Variants in MYH9 observed in about 807,000 individuals in gnomAD.
MYH9 encodes the protein myosin heavy chain 9, also known as myosin-9.
A neutral mutation model predicts 241.9 loss-of-function variants in MYH9; 29 were observed. The ratio of observed to expected loss-of-function variants is 0.12; its 90% CI spans 0.09 to 0.16. The LOEUF (loss-of-function observed/expected upper bound fraction) is 0.16, where lower values mean the gene tolerates loss of function less well. Among genes scored for constraint, MYH9 ranks in the 10% least tolerant of loss-of-function variants. The pLI is 1.00. For missense variants in MYH9, 1,803 were observed against 2,595.5 expected, an observed-to-expected ratio of 0.69 and a Z score of 6.63; for synonymous variants, 1,047 against 1,062.6, an observed-to-expected ratio of 0.99 and a Z score of 0.29.
At chr22:36,313,451 C>CAA (rs57101170) in intron 13 of MYH9, among the ~76,000 whole-genome samples, 80 of 52,750 alleles carry the variant, frequency 1.5e-3, no homozygotes, top group African/African-American at 2.7e-3. Context: ...GACTCCGTCT[C>CAA]AAAAAAAAAA....
intron 1 of MYH9, among the ~76,000 whole-genome samples, chr22:36,376,120 C>T (rs899171612): frequency 6.6e-6 from 1 of 151,848 alleles, no homozygotes; most frequent in African/African-American, 2.4e-5. Context: ...CACCACCACA[C>T]CCGGCTAATT....
Position 36,282,377 on chromosome 22 carries a change from T to C in MYH9, c.*291A>G. On this transcript the variant is annotated 3_prime_UTR_variant, in exon 41 of 41. Transcript: ENST00000216181. Reference sequence around the variant, plus strand: ...GCTCGCCTCAACATCTTGTGCTTTTTGGCAAGAGAGGGCTGAGGAGCCTGC... The same window carrying C: ...GCTCGCCTCAACATCTTGTGCTTTTCGGCAAGAGAGGGCTGAGGAGCCTGC... 1 of 568,950 alleles carries C rather than the reference T, an allele frequency of 1.8e-6. No homozygotes were observed. Among genetic ancestry groups the C allele is most frequent in the African/African-American group, 1.9e-5 (1 of 53,470 alleles). 35.2% of individuals were successfully genotyped at this position (568,950 alleles called of 1,614,324 possible).
At chr22:36,386,578 G>T (rs1395258703) in intron 1 of MYH9, among the ~76,000 whole-genome samples, 1 of 152,206 alleles carries the variant, frequency 6.6e-6, no homozygotes, top group Non-Finnish European at 1.5e-5. Context: ...ACCCAGAAAA[G>T]GGCGCAGTGA....
chr22:36,316,328 C>G (rs2017150541), intron 12 of MYH9, among the ~76,000 whole-genome samples, 189 bp downstream of exon 12: 1 of 150,360 alleles, frequency 6.7e-6, no homozygotes, highest in South Asian at 2.1e-4. Context: ...GCTACCGTGC[C>G]CAGCCGAGAC....
chr22:36,363,046 C>T (rs1468131090), intron 1 of MYH9, among the ~76,000 whole-genome samples: 1 of 152,192 alleles, frequency 6.6e-6, no homozygotes, highest in African/African-American at 2.4e-5. Context: ...CTTCAGCTGT[C>T]ACCCAGAGAC....
At chr22:36,327,312 G>C in intron 4 of MYH9, 149 bp downstream of exon 4, 1 of 853,254 alleles carries the variant, frequency 1.2e-6, no homozygotes, top group South Asian at 1.4e-5. Context: ...CACACAAACT[G>C]AAGTCCTATC....
Position 36,281,346 on chromosome 22 carries a change from T to C in MYH9, c.*1322A>G, listed in dbSNP as rs1422423926. 9.2e-6 allele frequency: 2 copies of C among 217,940 alleles called. No individual in the cohort carries two copies. Among genetic ancestry groups the C allele is most frequent in the African/African-American group, 4.5e-5 (2 of 44,414 alleles). 13.5% of individuals were successfully genotyped at this position (217,940 alleles called of 1,614,324 possible). ...TCTGTAAACCAGCTTACTGTAGTGG[T>C]GACAGCTGCAACACATGCTAAGGCA... On this transcript the variant is annotated 3_prime_UTR_variant, in exon 41 of 41. Transcript: ENST00000216181.
intron 20 of MYH9, 178 bp downstream of exon 20, chr22:36,302,389 TG>T (rs2016893217): frequency 1.7e-6 from 1 of 585,494 alleles, no homozygotes; most frequent in African/African-American, 1.8e-5. Flanking sequence ...GGCTCATGCC[TG>T]TAATTCCAGC....
chr22:36,370,202 G>A (rs2018068806), intron 1 of MYH9, among the ~76,000 whole-genome samples: 1 of 152,194 alleles, frequency 6.6e-6, no homozygotes, highest in Non-Finnish European at 1.5e-5. Flanking sequence ...GGGCCTGCAG[G>A]TGGGAGAACC....
intron 1 of MYH9, among the ~76,000 whole-genome samples, chr22:36,360,496 G>A (rs1303222759): frequency 2.6e-5 from 4 of 151,994 alleles, no homozygotes; most frequent in African/African-American, 9.7e-5. Context: ...GGCGGATCAC[G>A]AGGTCAGGAG....
chr22:36,296,733 AC>A (rs913814240), intron 25 of MYH9, 109 bp downstream of exon 25: 326 of 1,274,344 alleles, frequency 2.6e-4, no homozygotes, highest in South Asian at 6.0e-4. Flanking sequence ...TTTTAAGACA[AC>A]AGTGGAAAGA....
In MYH9 at chr22:36,320,685, C is replaced by T. The variant is rs958675850; in HGVS notation, c.868+113G>A. The stretch of plus-strand genomic sequence containing the variant: ...AACAGGAGTCACTCTCACTTCTCCC[C>T]GTTAAACCCAAGGCCAAAAGTTTTC... On this transcript the variant is annotated intron_variant, in intron 8 of 40. Transcript: ENST00000216181. The surrounding 1 kb of genome is among the most constrained non-coding windows in gnomAD (Gnocchi z 4.8). 1.2e-5 allele frequency: 11 copies of T among 907,926 alleles called. No homozygotes were observed. Among genetic ancestry groups the T allele is most frequent in the African/African-American group, 1.6e-5 (1 of 60,672 alleles). The allele number at this position is 907,926 out of a possible 1,614,324, so 56.2% of individuals were successfully genotyped here.
At chr22:36,363,212 C>G (rs1242500027) in intron 1 of MYH9, among the ~76,000 whole-genome samples, 5 of 152,222 alleles carry the variant, frequency 3.3e-5, no homozygotes, top group Non-Finnish European at 7.3e-5. Context: ...TCCTCCCCAA[C>G]AGGCCCAGCG....
chr22:36,285,560 C>A lies in MYH9; in HGVS notation c.5274+98G>T. 1 of 1,571,138 alleles carries A rather than the reference C, an allele frequency of 6.4e-7. No homozygotes were observed. The highest frequency in any genetic ancestry group is 1.1e-5 in the South Asian group (1 of 88,538). ...TTTCCCCTAAGCGCCTGGGGAGCAG[C>A]TGGCACTTGGCCTGTGCTTCTGCCG... On this transcript the variant is annotated intron_variant, in intron 37 of 40. Transcript: ENST00000216181. The surrounding 1 kb of genome is among the most constrained non-coding windows in gnomAD (Gnocchi z 7.0).
In MYH9 at chr22:36,301,466, C is replaced by T. The variant is rs571843189; in HGVS notation, c.2631+68G>A. Reference sequence around the variant, plus strand: ...AGAAACTTCCAGCATGCCGTGCCTACCGATGGCCAGCAGGTGGCAGCACCA... The same window carrying T: ...AGAAACTTCCAGCATGCCGTGCCTATCGATGGCCAGCAGGTGGCAGCACCA... On this transcript the variant is annotated intron_variant, in intron 21 of 40. Coordinates refer to ENST00000216181, the MANE Select transcript of MYH9 (RefSeq NM_002473.6). The T allele has an allele frequency of 2.1e-5, 34 of 1,603,856 alleles. No individual in the cohort carries two copies. The African/African-American group carries it at 3.5e-4, about 16-fold the overall frequency.
chr22:36,296,720 C>T, intron 25 of MYH9, 123 bp downstream of exon 25: 1 of 1,139,178 alleles, frequency 8.8e-7, no homozygotes, highest in South Asian at 1.7e-5. Flanking sequence ...AAATAAATGG[C>T]TCTTTTAAGA....
intron 18 of MYH9, among the ~76,000 whole-genome samples, chr22:36,304,614 T>A (rs1260528197): frequency 2.0e-5 from 3 of 152,132 alleles, no homozygotes; most frequent in African/African-American, 7.2e-5. Flanking sequence ...CGTCCAGCAC[T>A]GCGCTAGGGC....
intron 3 of MYH9, among the ~76,000 whole-genome samples, chr22:36,339,689 G>C (rs1051900390): frequency 6.6e-6 from 1 of 152,154 alleles, no homozygotes; most frequent in Non-Finnish European, 1.5e-5. Context: ...TACCACCACT[G>C]TCTAGATAGA....
chr22:36,335,456 G>C (rs2017484017), intron 3 of MYH9, among the ~76,000 whole-genome samples: 1 of 152,230 alleles, frequency 6.6e-6, no homozygotes, highest in African/African-American at 2.4e-5. Context: ...CTTCAGCAGA[G>C]TCATCCCATC....
Sources: gnomAD v4.1 joint callset for allele counts (sites outside exome capture counted in the v4.1 genomes callset) on GRCh38, gnomAD v4.1.1 for gene constraint, Gnocchi (gnomAD v3.1) non-coding constraint, MANE v1.5 for transcripts, NCBI Gene and HGNC (gene_info 2026-07-23, HGNC 2026-07-21) for gene names.